The following AGK variants were observed in gnomAD, a reference collection of about 807,000 sequenced individuals.
AGK encodes the protein acylglycerol kinase, also known as acylglycerol kinase, mitochondrial.
Under a neutral mutation model 66.4 loss-of-function variants are expected in AGK, and 52 were observed. The ratio of observed to expected loss-of-function variants is 0.78; its 90% confidence interval spans 0.63 to 0.99. The LOEUF (loss-of-function observed/expected upper bound fraction) is 0.99, where lower values mean the gene tolerates loss of function less well. Ranked by LOEUF, AGK falls within the 50% of genes least tolerant of loss-of-function variation. The pLI is 0.00. For synonymous variants in AGK, 182 were observed against 181.1 expected, an observed-to-expected ratio of 1.00 and a Z score of -0.04; for missense variants, 451 against 506.6, an observed-to-expected ratio of 0.89 and a Z score of 1.05.
intron 8 of AGK, among the ~76,000 whole-genome samples, chr7:141,617,429 G>C (rs1796731757): frequency 6.6e-6 from 1 of 152,174 alleles, no homozygotes; most frequent in Non-Finnish European, 1.5e-5. Flanking sequence ...AGGGCTGTTA[G>C]GTAATCCAGG....
intron 2 of AGK, among the ~76,000 whole-genome samples, chr7:141,577,110 T>TCCTCAGC (rs1795759699): frequency 6.6e-6 from 1 of 152,108 alleles, no homozygotes. Flanking sequence ...GTGGACTCCC[T>TCCTCAGC]CCTCAGCCAG....
intron 2 of AGK, among the ~76,000 whole-genome samples, chr7:141,562,976 G>GGTTA (rs1297717709): frequency 6.6e-6 from 1 of 152,184 alleles, no homozygotes; most frequent in East Asian, 1.9e-4. Flanking sequence ...CTCTAGGTAA[G>GGTTA]GTTAAATCCT....
chr7:141,573,832 T>A (rs1162512373), intron 2 of AGK, among the ~76,000 whole-genome samples: 1 of 152,170 alleles, frequency 6.6e-6, no homozygotes, highest in African/African-American at 2.4e-5. Flanking sequence ...CCTTTTTCTT[T>A]ATTATTATTA....
intron 9 of AGK, 129 bp from the exon 10 acceptor site, chr7:141,633,772 T>A: frequency 1.3e-6 from 1 of 747,350 alleles, no homozygotes; most frequent in Non-Finnish European, 2.3e-6. Flanking sequence ...ATGTCTTTAA[T>A]GTTTGAGCAG....
At chr7:141,642,386 G>C (rs2117015416) in intron 13 of AGK, among the ~76,000 whole-genome samples, 1 of 152,228 alleles carries the variant, frequency 6.6e-6, no homozygotes, top group Admixed American at 6.5e-5. Flanking sequence ...ATCCCATACG[G>C]TAGCTATTAG....
chr7:141,602,173 T>TGTGTGTGTGTGTGTG lies in AGK; in HGVS notation c.297+893_297+894insGTGTGTGTGTGTGTG, dbSNP rs1587114560. 8.4e-3 allele frequency among the ~76,000 whole-genome samples: 1,051 copies of TGTGTGTGTGTGTGTG among 125,358 alleles called. 21 individuals carry two copies. Among genetic ancestry groups the TGTGTGTGTGTGTGTG allele is most frequent in the African/African-American group, 0.021 (757 of 35,282 alleles). 82.2% of individuals were successfully genotyped at this position (125,358 alleles called of 152,430 possible). On this transcript the variant is annotated intron_variant, in intron 5 of 15. Transcript: ENST00000649286. ...GAGCTTTCCTTGAGGGGAGATTTTC[T>TGTGTGTGTGTGTGTG]TGTGTGTGTGTGTGTGTGTGTGTGT...
chr7:141,637,765 T>C (rs534485836), intron 11 of AGK, among the ~76,000 whole-genome samples: 1 of 152,346 alleles, frequency 6.6e-6, no homozygotes, highest in African/African-American at 2.4e-5. Context: ...TGAATGTTTT[T>C]CTAATTATAA....
At chr7:141,602,012 G>A (rs1279718539) in intron 5 of AGK, among the ~76,000 whole-genome samples, 3 of 151,402 alleles carry the variant, frequency 2.0e-5, no homozygotes, top group African/African-American at 7.3e-5. Context: ...CCGGGGGTAG[G>A]AGAAAGGGGA....
At chr7:141,639,504 TC>T (rs1328579323) in intron 11 of AGK, among the ~76,000 whole-genome samples, 2 of 152,150 alleles carry the variant, frequency 1.3e-5, no homozygotes, top group African/African-American at 4.8e-5. Context: ...TACTGGATTG[TC>T]CCTGGACAGG....
In AGK at chr7:141,636,940, T is replaced by C; in HGVS notation, c.669-20T>C. The C allele has an allele frequency of 1.9e-6, 3 of 1,603,958 alleles. No homozygotes were observed. Among genetic ancestry groups the C allele is most frequent in the Non-Finnish European group, 1.7e-6 (2 of 1,173,532 alleles). ...TTCTTTTGATATTCTTATCAGATTT[T>C]TATCTTGGTCTTTTCACAGGTACTG... On this transcript the variant is annotated intron_variant, in intron 10 of 15. Transcript: ENST00000649286.
intron 14 of AGK, among the ~76,000 whole-genome samples, chr7:141,649,953 G>A (rs1199355935): frequency 6.6e-6 from 1 of 152,142 alleles, no homozygotes; most frequent in African/African-American, 2.4e-5. Context: ...TCTGTGATTT[G>A]TTAAGTCCTA....
In AGK at chr7:141,555,660, C is replaced by T; in HGVS notation, c.101+93C>T. On this transcript the variant is annotated intron_variant, in intron 2 of 15. Transcript: ENST00000649286. The surrounding 1 kb of genome is among the most constrained non-coding windows in gnomAD (Gnocchi z 4.2). ...AAAATCTTGCTCAGCTGTGCTTATC[C>T]CTATAAAACATGTGGTGTAAAAGAA... 1.2e-6 allele frequency: 1 copy of T among 860,384 alleles called. No homozygotes were observed. The highest frequency in any genetic ancestry group is 2.5e-5 in the East Asian group (1 of 39,534). 53.3% of individuals were successfully genotyped at this position (860,384 alleles called of 1,614,324 possible). A position where few individuals can be genotyped will look rare whatever the true frequency, so the allele number is the denominator to read the frequency against.
At chr7:141,589,142 T>G (rs1167585974) in intron 2 of AGK, among the ~76,000 whole-genome samples, 5 of 152,186 alleles carry the variant, frequency 3.3e-5, no homozygotes, top group Non-Finnish European at 7.3e-5. Context: ...CTGGTTCAAA[T>G]GCCTCTGACA....
intron 4 of AGK, among the ~76,000 whole-genome samples, chr7:141,599,535 A>C (rs1411456167): frequency 1.3e-5 from 2 of 152,210 alleles, no homozygotes; most frequent in Admixed American, 1.3e-4. Flanking sequence ...AAAGACCCAA[A>C]TATTCTAACC....
At chr7:141,647,066 A>G (rs531732166) in intron 13 of AGK, among the ~76,000 whole-genome samples, 4 of 150,856 alleles carry the variant, frequency 2.7e-5, no homozygotes, top group Non-Finnish European at 5.9e-5. Flanking sequence ...CCTCCTCTCT[A>G]ACTACCCCCC....
At position 141,555,218 on chromosome 7, in the gene AGK, G is replaced by C. The variant is rs1434115096; in HGVS notation, c.-14-235G>C. 2.6e-5 allele frequency among the ~76,000 whole-genome samples: 4 copies of C among 152,124 alleles called. No homozygotes were observed. Among genetic ancestry groups the C allele is most frequent in the Admixed American group, 2.6e-4 (4 of 15,272 alleles). ...AGAAGTATAGGTTAGGTGGAAATAC[G>C]TGAAGGAAGAAAGAAAGGTGGATGG... On this transcript the variant is annotated intron_variant, in intron 1 of 15. Transcript: ENST00000649286. The surrounding 1 kb of genome is among the most constrained non-coding windows in gnomAD (Gnocchi z 4.2).
At chr7:141,621,947 G>A (rs1796834867) in intron 9 of AGK, 146 bp downstream of exon 9, 2 of 602,558 alleles carry the variant, frequency 3.3e-6, no homozygotes, top group South Asian at 2.1e-5. Flanking sequence ...AGTCCCCAGA[G>A]GAAATAATTT....
intron 13 of AGK, 138 bp downstream of exon 13, chr7:141,642,046 T>A: frequency 1.3e-6 from 1 of 776,310 alleles, no homozygotes; most frequent in Non-Finnish European, 2.1e-6. Context: ...AAAGAGGATG[T>A]GGTGTGCCTT....
At chr7:141,563,042 G>C (rs1795384008) in intron 2 of AGK, among the ~76,000 whole-genome samples, 1 of 152,186 alleles carries the variant, frequency 6.6e-6, no homozygotes, top group Non-Finnish European at 1.5e-5. Flanking sequence ...TCAGAGGTGG[G>C]TTTTCCCCCC....
Sources: gnomAD v4.1 joint callset for allele counts (sites outside exome capture counted in the v4.1 genomes callset) on GRCh38, gnomAD v4.1.1 for gene constraint, Gnocchi (gnomAD v3.1) non-coding constraint, MANE v1.5 for transcripts, NCBI Gene and HGNC (gene_info 2026-07-23, HGNC 2026-07-21) for gene names.